The following CHN2 variants were observed in gnomAD, a reference collection of about 807,000 sequenced individuals.
The protein encoded by CHN2 is chimerin 2, also known as beta-chimaerin.
A neutral mutation model predicts 56.3 loss-of-function variants in CHN2; 35 were observed. The ratio of observed to expected loss-of-function variants is 0.62; its 90% CI spans 0.47 to 0.82. CHN2 has a LOEUF of 0.82. CHN2 is among the 40% of genes least tolerant of loss of function. CHN2 has a pLI of 0.00. For missense variants in CHN2, 491 were observed against 580.5 expected, an observed-to-expected ratio of 0.85 and a Z score of 1.58; for synonymous variants, 210 against 212.8, an observed-to-expected ratio of 0.99 and a Z score of 0.12.
intron 4 of CHN2, 125 bp from the exon 5 acceptor site, chr7:29,398,248 C>T: frequency 1.5e-6 from 1 of 675,862 alleles, no homozygotes; most frequent in South Asian, 1.8e-5. Flanking sequence ...GTAGTCACCC[C>T]CCTTCTTCAC....
In CHN2 at chr7:29,299,612, G is replaced by C. The variant is rs143309879; in HGVS notation, c.50-55013G>C. On this transcript the variant is annotated intron_variant, in intron 1 of 12. Coordinates refer to ENST00000222792, the MANE Select transcript of CHN2 (RefSeq NM_004067.4). ...AGATAATAGATAATAGTTCTGGAAA[G>C]CACAACATGGATGTAATGTATTATT... Among the ~76,000 whole-genome samples the C allele has an allele frequency of 3.4e-3, 496 of 145,970 alleles. 3 individuals are homozygous for C. The highest frequency in any genetic ancestry group is 0.012 in the African/African-American group (477 of 39,038).
intron 4 of CHN2, 57 bp from the exon 5 acceptor site, chr7:29,398,316 T>C (rs557795155): frequency 3.8e-6 from 5 of 1,314,940 alleles, no homozygotes; most frequent in South Asian, 2.4e-5. Context: ...GCTAGTTCTT[T>C]GTGGTCCTTA....
chr7:29,314,776 T>C (rs903737033), intron 1 of CHN2, among the ~76,000 whole-genome samples: 1 of 152,280 alleles, frequency 6.6e-6, no homozygotes, highest in Admixed American at 6.5e-5. Context: ...ATTACTTGCA[T>C]TTCCACTGAA....
chr7:29,180,502 A>G (rs1339385515), intron 2 of CHN2, among the ~76,000 whole-genome samples: 1 of 151,852 alleles, frequency 6.6e-6, no homozygotes, highest in Admixed American at 6.6e-5. Context: ...ACTGGGCGAC[A>G]GAGCGACAGA....
intron 6 of CHN2, among the ~76,000 whole-genome samples, chr7:29,402,552 C>G (rs1802304449): frequency 6.6e-6 from 1 of 152,200 alleles, no homozygotes; most frequent in East Asian, 1.9e-4. Context: ...CCTTCCCAGC[C>G]ATGACAAATC....
intron 6 of CHN2, among the ~76,000 whole-genome samples, chr7:29,440,684 CAAAAAAAAAAAAAAAAA>C (rs556692737): frequency 2.2e-5 from 1 of 45,668 alleles, no homozygotes; most frequent in African/African-American, 5.2e-5. Flanking sequence ...GACTCCGTCT[CAAAAAAAAAAAAAAAAA>C]AAAAAAAAAA....
At chr7:29,244,175 C>T (rs1377361669) in intron 1 of CHN2, among the ~76,000 whole-genome samples, 1 of 152,186 alleles carries the variant, frequency 6.6e-6, no homozygotes, top group Non-Finnish European at 1.5e-5. Context: ...TATTGATGCT[C>T]TCGGGCTGTC....
chr7:29,413,035 C>T (rs1803394320), intron 6 of CHN2, among the ~76,000 whole-genome samples: 1 of 152,176 alleles, frequency 6.6e-6, no homozygotes. Context: ...GGTTGCAGAA[C>T]TGGCATTACT....
intron 1 of CHN2, among the ~76,000 whole-genome samples, chr7:29,328,479 G>T (rs1246262074): frequency 6.6e-6 from 1 of 152,098 alleles, no homozygotes; most frequent in Non-Finnish European, 1.5e-5. Context: ...GATAATCAGA[G>T]AAACGTGTAT....
At position 29,262,310 on chromosome 7, in the gene CHN2, A is replaced by G. The variant is rs973469138; in HGVS notation, c.49+67320A>G. 2.4e-4 allele frequency among the ~76,000 whole-genome samples: 37 copies of G among 152,388 alleles called. 1 individual carries two copies. Among genetic ancestry groups the G allele is most frequent in the African/African-American group, 8.9e-4 (37 of 41,598 alleles). ...ATTAGCACCATGTAGAATATTTCAT[A>G]TCACAAATACACATAGTTGTTCTTA... On this transcript the variant is annotated intron_variant, in intron 1 of 12. Transcript: ENST00000222792.
intron 1 of CHN2, among the ~76,000 whole-genome samples, chr7:29,225,717 C>T (rs1462068638): frequency 6.6e-6 from 1 of 152,110 alleles, no homozygotes; most frequent in Non-Finnish European, 1.5e-5. Context: ...GAGACTGGAG[C>T]TAATCACCTG....
chr7:29,257,714 C>T (rs879781025), intron 1 of CHN2, among the ~76,000 whole-genome samples: 5 of 152,314 alleles, frequency 3.3e-5, no homozygotes, highest in South Asian at 2.1e-4. Flanking sequence ...CTCGGCCTGG[C>T]GATATCCTGC....
At chr7:29,261,510 CCA>C (rs34922089) in intron 1 of CHN2, among the ~76,000 whole-genome samples, 61,951 of 151,994 alleles carry the variant, frequency 0.41, 13,216 homozygotes, top group East Asian at 0.79. Flanking sequence ...TTTCTCTAGC[CCA>C]CACACGTTGT....
intron 6 of CHN2, among the ~76,000 whole-genome samples, chr7:29,476,536 C>CAA (rs35924824): frequency 0.037 from 5,306 of 143,462 alleles, 297 homozygotes; most frequent in African/African-American, 0.13. Context: ...GAGTCCGTCT[C>CAA]AAAAAAAAAA....
intron 1 of CHN2, among the ~76,000 whole-genome samples, chr7:29,252,818 A>G (rs1211913215): frequency 5.2e-5 from 6 of 114,898 alleles, no homozygotes; most frequent in Non-Finnish European, 9.6e-5. Flanking sequence ...GATGGTCTCA[A>G]TCTCCTGACC....
At chr7:29,231,441 G>T (rs554228091) in intron 1 of CHN2, among the ~76,000 whole-genome samples, 2 of 152,052 alleles carry the variant, frequency 1.3e-5, no homozygotes, top group Non-Finnish European at 2.9e-5. Context: ...TGTCTTTACC[G>T]CATTACGCAT....
intron 6 of CHN2, among the ~76,000 whole-genome samples, chr7:29,454,568 A>T (rs1784620860): frequency 6.6e-6 from 1 of 152,234 alleles, no homozygotes; most frequent in East Asian, 1.9e-4. Context: ...CCCAGATGTC[A>T]GTGGCAAAGC....
chr7:29,256,488 G>A (rs1789091865), intron 1 of CHN2, among the ~76,000 whole-genome samples: 1 of 152,176 alleles, frequency 6.6e-6, no homozygotes, highest in Admixed American at 6.5e-5. Context: ...CCTTTACCTT[G>A]TGATTTTTGG....
At chr7:29,220,211 A>G (rs1785667521) in intron 1 of CHN2, among the ~76,000 whole-genome samples, 1 of 151,804 alleles carries the variant, frequency 6.6e-6, no homozygotes. Context: ...CAGAGGTTGC[A>G]GTGAGCCAAG....
Sources: allele counts gnomAD v4.1 joint callset (sites outside exome capture counted in the v4.1 genomes callset), GRCh38; gene constraint gnomAD v4.1.1; transcripts MANE v1.5; gene names NCBI Gene and HGNC (gene_info 2026-07-23, HGNC 2026-07-21).